The following RAB21 variants were observed in gnomAD, a reference collection of about 807,000 sequenced individuals.
RAB21 encodes ras-related protein Rab-21.
Under a neutral mutation model 33.1 loss-of-function variants are expected in RAB21, and 13 were observed. The ratio of observed to expected loss-of-function variants is 0.39; its 90% confidence interval spans 0.26 to 0.62. The LOEUF is 0.62. RAB21 is among the 20% of genes least tolerant of loss of function. The pLI is 0.48. For missense variants in RAB21, 234 were observed against 279.1 expected, an observed-to-expected ratio of 0.84 and a Z score of 1.15; for synonymous variants, 91 against 103.7, an observed-to-expected ratio of 0.88 and a Z score of 0.74.
At chr12:71,771,328 C>A (rs749864943) in intron 3 of RAB21, among the ~76,000 whole-genome samples, 2 of 152,152 alleles carry the variant, frequency 1.3e-5, no homozygotes, top group African/African-American at 2.4e-5. Flanking sequence ...CTTATTTGAC[C>A]TTTTCTCCTA....
chr12:71,777,006 C>T (rs1158056853), intron 4 of RAB21, among the ~76,000 whole-genome samples: 2 of 152,158 alleles, frequency 1.3e-5, no homozygotes, highest in African/African-American at 2.4e-5. Context: ...GTGCAATAAA[C>T]GAATTTTTCT....
At chr12:71,764,822 GTA>G (rs961137260) in intron 1 of RAB21, among the ~76,000 whole-genome samples, 5 of 152,090 alleles carry the variant, frequency 3.3e-5, no homozygotes, top group African/African-American at 7.2e-5. Flanking sequence ...ATTCTATGGC[GTA>G]TATATACCGC....
chr12:71,782,420 A>G (rs955110781), intron 5 of RAB21, 150 bp from the exon 6 acceptor site: 11 of 545,278 alleles, frequency 2.0e-5, no homozygotes, highest in African/African-American at 5.8e-5. Context: ...ATTTGATTTA[A>G]TGTATAGAGA....
rs1883518067 is a variant in RAB21 at position 71,800,066 on chromosome 12, C to CT, written c.*14394dup. ...CCAGCCTGAGCAACAGAGTGAGACT[C>CT]TATCTCAAAAAAAAAAAAAAAAAAA... On this transcript the variant is annotated 3_prime_UTR_variant, in exon 7 of 7. Coordinates refer to ENST00000261263, the MANE Select transcript of RAB21 (RefSeq NM_014999.4). 1 of 126,168 alleles carries CT rather than the reference C, an allele frequency of 7.9e-6. No homozygotes were observed. Among genetic ancestry groups the CT allele is most frequent in the Non-Finnish European group, 1.6e-5 (1 of 63,866 alleles). The allele number at this position is 126,168 out of a possible 1,614,324, so 7.8% of individuals were successfully genotyped here. A position where few individuals can be genotyped will look rare whatever the true frequency, so the allele number is the denominator to read the frequency against.
rs114300457 is a variant in RAB21, at chr12:71,769,176, G to A, written c.160-624G>A. 4.9e-3 allele frequency among the ~76,000 whole-genome samples: 744 copies of A among 152,260 alleles called. 8 individuals are homozygous for A. Among genetic ancestry groups the A allele is most frequent in the African/African-American group, 0.017 (709 of 41,534 alleles). On this transcript the variant is annotated intron_variant, in intron 1 of 6. Transcript: ENST00000261263. Reference sequence around the variant, plus strand: ...TCTGAAGCCTTCTTTGACTCATTCAGACAACTGTTATACTTCCTTTCTCAG... The same window carrying A: ...TCTGAAGCCTTCTTTGACTCATTCAAACAACTGTTATACTTCCTTTCTCAG...
chr12:71,778,882 C>A lies in RAB21; in HGVS notation c.392-3149C>A, dbSNP rs553757602. On this transcript the variant is annotated intron_variant, in intron 4 of 6. Transcript: ENST00000261263. ...TACCTGCAAGGCGTGGTGGCTCACC[C>A]CTGTAATCCCAGCACTTTGGGAGGC... Among the ~76,000 whole-genome samples, 9 of 152,258 alleles carry A rather than the reference C, an allele frequency of 5.9e-5. No individual in the cohort carries two copies. The South Asian group carries it at 1.9e-3, about 32-fold the overall frequency.
chr12:71,762,973 A>G (rs1882900156), intron 1 of RAB21, among the ~76,000 whole-genome samples: 1 of 152,134 alleles, frequency 6.6e-6, no homozygotes, highest in African/African-American at 2.4e-5. Context: ...TCTCTTAAGT[A>G]TGGAAGTGGT....
chr12:71,757,469 T>G (rs1164190081), intron 1 of RAB21, among the ~76,000 whole-genome samples: 2 of 152,172 alleles, frequency 1.3e-5, no homozygotes. Context: ...TTCTTGAAAC[T>G]GAAAGCAGAG....
chr12:71,788,993 GA>G lies in RAB21; in HGVS notation c.*3323del, dbSNP rs1424905346. 1 of 151,526 alleles carries G rather than the reference GA, an allele frequency of 6.6e-6. No homozygotes were observed. The highest frequency in any genetic ancestry group is 2.4e-5 in the African/African-American group (1 of 41,226). 9.4% of individuals were successfully genotyped at this position (151,526 alleles called of 1,614,324 possible). On this transcript the variant is annotated 3_prime_UTR_variant, in exon 7 of 7. Transcript: ENST00000261263. The stretch of plus-strand genomic sequence containing the variant: ...CTAAAGCTATGGCTGTTACTGCATT[GA>G]AATCTTTTTTTTTTTTAATAGTAGC...
chr12:71,769,637 GTCTTA>G (rs1883012057), intron 1 of RAB21, among the ~76,000 whole-genome samples, 158 bp from the exon 2 acceptor site: 1 of 152,106 alleles, frequency 6.6e-6, no homozygotes, highest in South Asian at 2.1e-4. Flanking sequence ...TGTAAATAAT[GTCTTA>G]TCTTTAATGA....
chr12:71,774,603 C>CA (rs773260795), intron 4 of RAB21, among the ~76,000 whole-genome samples: 1 of 150,658 alleles, frequency 6.6e-6, no homozygotes, highest in Non-Finnish European at 1.5e-5. Context: ...AATAAAAATA[C>CA]AAAAATAGCT....
At position 71,798,697 on chromosome 12, in the gene RAB21, AAGAC is replaced by A. The variant is rs1233678339; in HGVS notation, c.*13025_*13028del. 2.0e-5 allele frequency: 3 copies of A among 152,348 alleles called. No homozygotes were observed. Among genetic ancestry groups the A allele is most frequent in the Admixed American group, 6.5e-5 (1 of 15,296 alleles). The allele number at this position is 152,348 out of a possible 1,614,324, so 9.4% of individuals were successfully genotyped here. ...CAGTTTTTTAACCTATTAATCAAGA[AAGAC>A]TTTTTAGTTTTATAAAACATTGTAA... On this transcript the variant is annotated 3_prime_UTR_variant, in exon 7 of 7. Transcript: ENST00000261263.
At chr12:71,762,692 C>T (rs1242817811) in intron 1 of RAB21, among the ~76,000 whole-genome samples, 1 of 152,050 alleles carries the variant, frequency 6.6e-6, no homozygotes, top group Non-Finnish European at 1.5e-5. Context: ...AAGCAATTCT[C>T]CTGCCTCAGC....
chr12:71,767,722 A>G (rs745563310), intron 1 of RAB21, among the ~76,000 whole-genome samples: 9 of 152,214 alleles, frequency 5.9e-5, no homozygotes, highest in African/African-American at 1.2e-4. Flanking sequence ...CTAAACTTCA[A>G]TGAGAAGGCG....
Position 71,793,449 on chromosome 12 carries a change from T to C in RAB21, c.*7776T>C, listed in dbSNP as rs946859870. ...GTGTCTTTTAAGGATATTTTTGATA[T>C]TACAATATAATAAAGTTAAATCATC... is the stretch of plus-strand genomic sequence containing the variant. On this transcript the variant is annotated 3_prime_UTR_variant, in exon 7 of 7. Coordinates refer to ENST00000261263, the MANE Select transcript of RAB21 (RefSeq NM_014999.4). 2.0e-5 allele frequency: 3 copies of C among 152,342 alleles called. No individual in the cohort carries two copies. Among genetic ancestry groups the C allele is most frequent in the African/African-American group, 7.2e-5 (3 of 41,578 alleles). 9.4% of individuals were successfully genotyped at this position (152,342 alleles called of 1,614,324 possible). A position where few individuals can be genotyped will look rare whatever the true frequency, so the allele number is the denominator to read the frequency against.
intron 3 of RAB21, 28 bp downstream of exon 3, chr12:71,770,727 GA>G: frequency 7.1e-7 from 1 of 1,402,586 alleles, no homozygotes; most frequent in Non-Finnish European, 1.0e-6. Flanking sequence ...AGATGTCTTA[GA>G]AGAACAATAG....
chr12:71,764,915 CAT>C (rs946588071), intron 1 of RAB21, among the ~76,000 whole-genome samples: 15 of 152,260 alleles, frequency 9.9e-5, no homozygotes, highest in East Asian at 9.6e-4. Flanking sequence ...CTGCAGTAAA[CAT>C]GTGTGCATGT....
rs1039075199 is a variant in RAB21, at chr12:71,792,063, G to A, written c.*6390G>A. 1 of 151,990 alleles carries A rather than the reference G, an allele frequency of 6.6e-6. No homozygotes were observed. The highest frequency in any genetic ancestry group is 1.5e-5 in the Non-Finnish European group (1 of 67,994). The allele number at this position is 151,990 out of a possible 1,614,324, so 9.4% of individuals were successfully genotyped here. A position where few individuals can be genotyped will look rare whatever the true frequency, so the allele number is the denominator to read the frequency against. On this transcript the variant is annotated 3_prime_UTR_variant, in exon 7 of 7. Coordinates refer to ENST00000261263, the MANE Select transcript of RAB21 (RefSeq NM_014999.4). Reference sequence around the variant, plus strand: ...ATTGTTTTGTTTTTTTTGTGGAGATGGCTCTCACTTTGTTGCCCAGGCTGG... The same window carrying A: ...ATTGTTTTGTTTTTTTTGTGGAGATAGCTCTCACTTTGTTGCCCAGGCTGG...
At position 71,769,832 on chromosome 12, in the gene RAB21, TG is replaced by T; in HGVS notation, c.195del (p.Arg67GlufsTer2). On this transcript the variant is annotated frameshift_variant, in exon 2 of 7. Coordinates refer to ENST00000261263, the MANE Select transcript of RAB21 (RefSeq NM_014999.4). LOFTEE classifies it high-confidence loss of function. ...SFLTKKLNIG[G>X]KRVNLAIWDT... ...TCTTAACAAAGAAGTTAAATATTGG[TG>T]GGAAAAGAGTAAACCTTGCCATATG... 1 of 1,393,730 alleles carries T rather than the reference TG, an allele frequency of 7.2e-7. No homozygotes were observed. The highest frequency in any genetic ancestry group is 9.5e-7 in the Non-Finnish European group (1 of 1,050,314). 86.3% of individuals were successfully genotyped at this position (1,393,730 alleles called of 1,614,324 possible).
Sources: gnomAD v4.1 joint callset for allele counts (sites outside exome capture counted in the v4.1 genomes callset) on GRCh38, gnomAD v4.1.1 for gene constraint, MANE v1.5 for transcripts, NCBI Gene and HGNC (gene_info 2026-07-23, HGNC 2026-07-21) for gene names.